Variants in CSMD1 observed in about 807,000 individuals in gnomAD.
CSMD1 encodes the protein CUB and sushi domain-containing protein 1.
Under a neutral mutation model 417.5 loss-of-function variants are expected in CSMD1, and 213 were observed. The ratio of observed to expected loss-of-function variants is 0.51; its 90% CI spans 0.46 to 0.57. The LOEUF is 0.57. Among genes scored for constraint, CSMD1 ranks in the 20% least tolerant of loss-of-function variants. The pLI, the probability that CSMD1 is intolerant of heterozygous loss-of-function variation, is 0.00. For missense variants in CSMD1, 6,923 were observed against 4,529.7 expected, an observed-to-expected ratio of 1.53 and a Z score of -15.17; for synonymous variants, 2,862 against 1,736.8, an observed-to-expected ratio of 1.65 and a Z score of -16.11.
In CSMD1 at chr8:4,580,836, C is replaced by A. The variant is rs116838196; in HGVS notation, c.302+56506G>T. On this transcript the variant is annotated intron_variant, in intron 2 of 69. Coordinates refer to ENST00000635120, the MANE Select transcript of CSMD1 (RefSeq NM_033225.6). ...AAAGTTGTATCTTGTACATACTGCCCGCTTCATACTGGATTGTAAATTCAC... is the reference window on the plus strand; with the variant it reads ...AAAGTTGTATCTTGTACATACTGCCAGCTTCATACTGGATTGTAAATTCAC... Among the ~76,000 whole-genome samples the A allele has an allele frequency of 4.3e-3, 649 of 152,278 alleles. 5 individuals are homozygous for A. The highest frequency in any genetic ancestry group is 0.015 in the African/African-American group (611 of 41,558).
chr8:4,665,063 G>A (rs536244572), intron 1 of CSMD1, among the ~76,000 whole-genome samples: 7 of 152,044 alleles, frequency 4.6e-5, no homozygotes, highest in Admixed American at 1.3e-4. Flanking sequence ...TGCAGAAAAG[G>A]TATTAGTTTC....
At position 3,731,899 on chromosome 8, in the gene CSMD1, T is replaced by C. The variant is rs527534416; in HGVS notation, c.931+22031A>G. Reference sequence around the variant, plus strand: ...ACTAAAGCTTAGAGCAGTTGAATAATGTGACCTTAGTGGTTTTGGACCTGA... The same window carrying C: ...ACTAAAGCTTAGAGCAGTTGAATAACGTGACCTTAGTGGTTTTGGACCTGA... On this transcript the variant is annotated intron_variant, in intron 6 of 69. Transcript: ENST00000635120. 4.6e-5 allele frequency among the ~76,000 whole-genome samples: 7 copies of C among 152,340 alleles called. No individual in the cohort carries two copies. In the South Asian group the frequency reaches 1.5e-3, roughly 32 times the overall value.
At chr8:4,041,486 C>T (rs1033423234) in intron 3 of CSMD1, among the ~76,000 whole-genome samples, 8 of 152,126 alleles carry the variant, frequency 5.3e-5, no homozygotes, top group African/African-American at 1.9e-4. Flanking sequence ...TCAAACTGTT[C>T]CACAAATAGT....
chr8:3,574,863 T>C (rs1800082813), intron 10 of CSMD1, 82 bp downstream of exon 10: 3 of 1,468,968 alleles, frequency 2.0e-6, no homozygotes, highest in Non-Finnish European at 2.8e-6. Context: ...ACGGATAGCA[T>C]TTGCTGGGCT....
chr8:4,664,557 T>C lies in CSMD1; in HGVS notation c.86-26999A>G, dbSNP rs566603600. Among the ~76,000 whole-genome samples the C allele has an allele frequency of 7.2e-5, 11 of 152,268 alleles. 1 individual carries two copies. Among genetic ancestry groups the C allele is most frequent in the Admixed American group, 5.9e-4 (9 of 15,296 alleles). On this transcript the variant is annotated intron_variant, in intron 1 of 69. Coordinates refer to ENST00000635120, the MANE Select transcript of CSMD1 (RefSeq NM_033225.6). ...CCCTCGGCAATACAGCAAGAGCGTG[T>C]CTTGAAAATAAAGAAATAAATAAAT...
intron 1 of CSMD1, among the ~76,000 whole-genome samples, chr8:4,707,836 A>G (rs1584975020): frequency 1.4e-5 from 2 of 142,206 alleles, no homozygotes; most frequent in Middle Eastern, 3.8e-3. Flanking sequence ...GCAGTGAACC[A>G]AGATCGCACC....
At chr8:3,998,234 A>T in intron 4 of CSMD1, 124 bp from the exon 5 acceptor site, 2 of 742,654 alleles carry the variant, frequency 2.7e-6, no homozygotes, top group Non-Finnish European at 4.3e-6. Context: ...TGAGACACTC[A>T]ATCTGAAAAA....
chr8:4,628,898 A>G (rs1802331029), intron 2 of CSMD1, among the ~76,000 whole-genome samples: 1 of 152,286 alleles, frequency 6.6e-6, no homozygotes, highest in Non-Finnish European at 1.5e-5. Context: ...GCCTTTTATT[A>G]AAAGAGAATA....
chr8:3,222,831 A>C (rs756522405), intron 28 of CSMD1, among the ~76,000 whole-genome samples: 2 of 152,212 alleles, frequency 1.3e-5, no homozygotes, highest in South Asian at 4.1e-4. Flanking sequence ...AAGATTCAGA[A>C]TCATAGAAAC....
chr8:4,419,977 G>A lies in CSMD1; in HGVS notation c.391C>T (p.Gln131Ter). The change falls in exon 3 of 70, where the codon CAA becomes TAA. Residue 131 changes from glutamine to a stop codon, truncating the protein, a stop_gained. Coordinates refer to ENST00000635120, the MANE Select transcript of CSMD1 (RefSeq NM_033225.6). LOFTEE classifies it high-confidence loss of function. ...CCTTCATATAATGCTTTGAAACCTT[G>A]GGCACTCACAGCGAAGTCTGTCGTG... ...WFTTDFAVSA[Q>*]GFKALYEVLP... 1 of 1,584,172 alleles carries A rather than the reference G, an allele frequency of 6.3e-7. No homozygotes were observed. The highest frequency in any genetic ancestry group is 8.6e-7 in the Non-Finnish European group (1 of 1,163,736).
chr8:3,341,499 T>C lies in CSMD1; in HGVS notation c.3631+1795A>G, dbSNP rs576115831. On this transcript the variant is annotated intron_variant, in intron 23 of 69. Transcript: ENST00000635120. ...ACAGTTACTAGGGTTGGAAACGTAATGAGAAATAACACACGAGCTGAGCAC... is the reference window on the plus strand; with the variant it reads ...ACAGTTACTAGGGTTGGAAACGTAACGAGAAATAACACACGAGCTGAGCAC... Among the ~76,000 whole-genome samples, 4 of 152,244 alleles carry C rather than the reference T, an allele frequency of 2.6e-5. No homozygotes were observed. In the South Asian group the frequency reaches 8.3e-4, roughly 32 times the overall value.
At chr8:3,590,671 T>G (rs1800806852) in intron 8 of CSMD1, among the ~76,000 whole-genome samples, 1 of 152,158 alleles carries the variant, frequency 6.6e-6, no homozygotes. Context: ...TTCAAAGCAT[T>G]AAAAATATTA....
chr8:2,957,992 T>C (rs1172027506), intron 62 of CSMD1, among the ~76,000 whole-genome samples, 185 bp from the exon 63 acceptor site: 2 of 152,358 alleles, frequency 1.3e-5, no homozygotes, highest in Non-Finnish European at 2.9e-5. Context: ...CAATGTAGAT[T>C]GCTCAATGAA....
At chr8:3,159,425 T>C (rs1031917098) in intron 38 of CSMD1, among the ~76,000 whole-genome samples, 1 of 152,232 alleles carries the variant, frequency 6.6e-6, no homozygotes, top group Admixed American at 6.5e-5. Context: ...TCATACATCA[T>C]TCCAATATTC....
chr8:3,508,763 T>G (rs765476824), intron 10 of CSMD1, among the ~76,000 whole-genome samples: 1 of 152,176 alleles, frequency 6.6e-6, no homozygotes, highest in Non-Finnish European at 1.5e-5. Flanking sequence ...TTAGACCGAA[T>G]AGAGGACAGA....
At chr8:3,219,871 A>G (rs577421235) in intron 28 of CSMD1, among the ~76,000 whole-genome samples, 1 of 152,160 alleles carries the variant, frequency 6.6e-6, no homozygotes, top group Admixed American at 6.5e-5. Context: ...AAAATATTGC[A>G]ATTTCAAAAT....
chr8:3,227,891 C>T (rs1585717594), intron 27 of CSMD1, among the ~76,000 whole-genome samples: 1 of 151,874 alleles, frequency 6.6e-6, no homozygotes, highest in South Asian at 2.1e-4. Flanking sequence ...CCTCAGCCTC[C>T]CAAGTAGCTG....
At position 4,451,274 on chromosome 8, in the gene CSMD1, T is replaced by G. The variant is rs148272533; in HGVS notation, c.303-31209A>C. 2.3e-3 allele frequency among the ~76,000 whole-genome samples: 350 copies of G among 152,232 alleles called. 13 individuals carry two copies. In the East Asian group the frequency reaches 0.063, roughly 28 times the overall value. On this transcript the variant is annotated intron_variant, in intron 2 of 69. Transcript: ENST00000635120. Reference sequence around the variant, plus strand: ...TGAGCCCAGGAGGTCCAGGCGGCAGTGATCCAACCAATCATGACTCCATCA... The same window carrying G: ...TGAGCCCAGGAGGTCCAGGCGGCAGGGATCCAACCAATCATGACTCCATCA...
chr8:3,403,494 T>C (rs903720018), intron 15 of CSMD1, among the ~76,000 whole-genome samples: 1 of 152,204 alleles, frequency 6.6e-6, no homozygotes, highest in African/African-American at 2.4e-5. Flanking sequence ...AACTTTTTCT[T>C]TCTGCCGAGG....
Sources: gnomAD v4.1 joint callset for allele counts (sites outside exome capture counted in the v4.1 genomes callset) on GRCh38, gnomAD v4.1.1 for gene constraint, MANE v1.5 for transcripts, NCBI Gene and HGNC (gene_info 2026-07-23, HGNC 2026-07-21) for gene names.